Variants in ATP8B1 observed in about 807,000 individuals in gnomAD.
ATP8B1 encodes the protein phospholipid-transporting ATPase IC.
Under a neutral mutation model 149.9 loss-of-function variants are expected in ATP8B1, and 80 were observed. The observed-to-expected ratio is 0.53, with a 90% CI of 0.45 to 0.64. The LOEUF is 0.64. ATP8B1 is among the 30% of genes least tolerant of loss of function. The probability of loss-of-function intolerance (pLI) is 0.00; values close to 1 mark genes in which losing one functional copy is unlikely to be tolerated. For synonymous variants in ATP8B1, 536 were observed against 562.8 expected, an observed-to-expected ratio of 0.95 and a Z score of 0.67; for missense variants, 1,247 against 1,552.6, an observed-to-expected ratio of 0.80 and a Z score of 3.31.
At chr18:57,704,300 A>G (rs1197889547) in intron 4 of ATP8B1, among the ~76,000 whole-genome samples, 1 of 152,150 alleles carries the variant, frequency 6.6e-6, no homozygotes, top group South Asian at 2.1e-4. Flanking sequence ...AGGGATACCA[A>G]TTTTAACACC....
intron 2 of ATP8B1, among the ~76,000 whole-genome samples, chr18:57,722,154 C>T (rs868821763): frequency 2.7e-5 from 4 of 148,846 alleles, no homozygotes; most frequent in Admixed American, 1.3e-4. Flanking sequence ...AGGAAAGATC[C>T]AAAATTGACA....
rs371245536 is a variant in ATP8B1 at position 57,684,148 on chromosome 18, T to G, written c.1518A>C (p.Ala506=). 5.0e-6 allele frequency: 8 copies of G among 1,614,000 alleles called. No homozygotes were observed. Among genetic ancestry groups the G allele is most frequent in the Non-Finnish European group, 6.8e-6 (8 of 1,179,984 alleles). Residue 506 remains alanine, a synonymous_variant, in exon 15 of 28, where the codon GCA becomes GCC. Transcript: ENST00000648908. ...GCTCAATAAGATAGTGGTCATAAAA[T>G]GCAAGCTTCCCATCAGCATATGTAT... The part of the protein sequence containing the change: ...SWNTYADGKL[A]FYDHYLIEQI...
At chr18:57,709,149 CAG>C (rs1488594766) in intron 2 of ATP8B1, among the ~76,000 whole-genome samples, 7 of 152,132 alleles carry the variant, frequency 4.6e-5, no homozygotes, top group Admixed American at 3.3e-4. Context: ...TCAGACAAAT[CAG>C]GGGACAAACA....
rs1913263354 is a variant in ATP8B1 at position 57,704,042 on chromosome 18, C to A, written c.393+513G>T. Among the ~76,000 whole-genome samples the A allele has an allele frequency of 2.0e-5, 3 of 151,212 alleles. 1 individual carries two copies. The highest frequency in any genetic ancestry group is 2.0e-4 in the Admixed American group (3 of 15,180). ...AGTGCAATGGTGTGATCTCGGCTCA[C>A]TGCAACCTCCGCCTCCTGGGTTCAA... On this transcript the variant is annotated intron_variant, in intron 4 of 27. Coordinates refer to ENST00000648908, the MANE Select transcript of ATP8B1 (RefSeq NM_001374385.1).
At chr18:57,717,547 C>CAAAAAAAAAAAAAAAAAAAA (rs1163024544) in intron 2 of ATP8B1, among the ~76,000 whole-genome samples, 1 of 19,928 alleles carries the variant, frequency 5.0e-5, no homozygotes, top group Non-Finnish European at 8.6e-5. Context: ...GACTCTGTCT[C>CAAAAAAAAAAAAAAAAAAAA]AAAAAAAAAA....
In ATP8B1 at chr18:57,661,200, C is replaced by CCACGTTCATCTATATAA; in HGVS notation, c.2680_2681insTTATATAGATGAACGTG (p.Gly894ValfsTer3). The CCACGTTCATCTATATAA allele has an allele frequency of 6.2e-7, 1 of 1,614,012 alleles. No homozygotes were observed. Among genetic ancestry groups the CCACGTTCATCTATATAA allele is most frequent in the Non-Finnish European group, 8.5e-7 (1 of 1,180,018 alleles). ...TTTGATCATGTTCACGTCATTGGCC[C>CCACGTTCATCTATATAA]CATCTCCGATGGCCAGCGTGATGGC... On this transcript the variant is annotated stop_gained and frameshift_variant, in exon 22 of 28. Coordinates refer to ENST00000648908, the MANE Select transcript of ATP8B1 (RefSeq NM_001374385.1). LOFTEE classifies it high-confidence loss of function.
At chr18:57,719,375 G>T (rs2079615035) in intron 2 of ATP8B1, among the ~76,000 whole-genome samples, 1 of 152,226 alleles carries the variant, frequency 6.6e-6, no homozygotes, top group Non-Finnish European at 1.5e-5. Flanking sequence ...GGGAGTGCCA[G>T]ACAGTGGGCG....
chr18:57,786,555 A>C (rs1460478282), intron 1 of ATP8B1, among the ~76,000 whole-genome samples: 1 of 152,208 alleles, frequency 6.6e-6, no homozygotes, highest in Non-Finnish European at 1.5e-5. Context: ...ACCACTGATC[A>C]AGCCACATCT....
intron 25 of ATP8B1, 74 bp downstream of exon 25, chr18:57,652,410 T>C (rs1452322520): frequency 2.0e-5 from 32 of 1,590,170 alleles, no homozygotes; most frequent in Non-Finnish European, 8.6e-7. Context: ...CAGGTGGATG[T>C]GCATGCCACC....
In ATP8B1 at chr18:57,652,483, C is replaced by A. The variant is rs1568178734; in HGVS notation, c.3261+1G>T. The A allele has an allele frequency of 6.2e-7, 1 of 1,614,086 alleles. No homozygotes were observed. Among genetic ancestry groups the A allele is most frequent in the Non-Finnish European group, 8.5e-7 (1 of 1,180,038 alleles). On this transcript the variant is annotated splice_donor_variant, in intron 25 of 27. Transcript: ENST00000648908. LOFTEE classifies it high-confidence loss of function. ...GAATACGGCCAATGAAAGCCACGTA[C>A]CTGGAAATTGACTGTTATTACAAGA...
chr18:57,689,572 G>GC (rs553882483), intron 12 of ATP8B1, among the ~76,000 whole-genome samples: 2 of 152,264 alleles, frequency 1.3e-5, no homozygotes, highest in African/African-American at 4.8e-5. Flanking sequence ...TTTCCTAAGT[G>GC]CCTACTATGT....
chr18:57,674,888 T>C lies in ATP8B1; in HGVS notation c.1765A>G (p.Asn589Asp). ...TTGAAGTCCAAAATGGCAAGAACAT[T>C]GTAAGTCCTTTCAGTGCCCAGTTCA... is the stretch of plus-strand genomic sequence containing the variant. ...ISELGTERTYNVLAILDFNSD... is the reference protein window; with the variant it reads ...ISELGTERTYDVLAILDFNSD... Residue 589 changes from asparagine to aspartate, a missense_variant, in exon 16 of 28, where the codon AAT becomes GAT. Transcript: ENST00000648908. 1 of 1,614,204 alleles carries C rather than the reference T, an allele frequency of 6.2e-7. No individual in the cohort carries two copies. Among genetic ancestry groups the C allele is most frequent in the Non-Finnish European group, 8.5e-7 (1 of 1,180,032 alleles).
intron 15 of ATP8B1, among the ~76,000 whole-genome samples, chr18:57,683,185 T>C (rs534021514): frequency 1.1e-4 from 17 of 152,136 alleles, no homozygotes; most frequent in Non-Finnish European, 2.1e-4. Flanking sequence ...CTGCTACATA[T>C]GAAACATTAA....
At chr18:57,801,532 T>C (rs959388359) in intron 1 of ATP8B1, among the ~76,000 whole-genome samples, 2 of 152,190 alleles carry the variant, frequency 1.3e-5, no homozygotes, top group Non-Finnish European at 2.9e-5. Context: ...ACAAAAGTAT[T>C]CCTTAGCGGA....
chr18:57,648,496 C>T lies in ATP8B1; in HGVS notation c.3748G>A (p.Asp1250Asn), dbSNP rs1411013917. The T allele has an allele frequency of 1.7e-5, 27 of 1,611,120 alleles. No individual in the cohort carries two copies. The highest frequency in any genetic ancestry group is 2.2e-5 in the Non-Finnish European group (26 of 1,179,992). The change falls in exon 28 of 28, where the codon GAC becomes AAC. Residue 1250 changes from aspartate (D) to asparagine (N), a missense_variant. Asp to Asn is a conservative substitution (Grantham distance 23). Around this residue, in one of 3 missense-constraint regions of ATP8B1, gnomAD observed 164 missense variants for 160.3 expected, o/e 1.02. Coordinates refer to ENST00000648908, the MANE Select transcript of ATP8B1 (RefSeq NM_001374385.1). Reference protein sequence around the residue: ...DGTAEYRRTGDS With the variant: ...DGTAEYRRTGNS The stretch of plus-strand genomic sequence containing the variant: ...AGCCTGGGGGTAAGGGATCAGCTGT[C>T]CCCGGTGCGCCTGTACTCCGCGGTG...
chr18:57,796,003 T>C (rs1302991768), intron 1 of ATP8B1, among the ~76,000 whole-genome samples: 1 of 152,000 alleles, frequency 6.6e-6, no homozygotes, highest in Non-Finnish European at 1.5e-5. Flanking sequence ...ACCCTGTCTC[T>C]ACTAAAAATA....
At chr18:57,747,843 G>A (rs901481245) in intron 1 of ATP8B1, among the ~76,000 whole-genome samples, 6 of 152,206 alleles carry the variant, frequency 3.9e-5, no homozygotes, top group Non-Finnish European at 8.8e-5. Context: ...TCAGCTTAGA[G>A]TACTCAACTT....
intron 8 of ATP8B1, 110 bp from the exon 9 acceptor site, chr18:57,695,642 T>A: frequency 1.2e-6 from 1 of 832,576 alleles, no homozygotes; most frequent in Non-Finnish European, 2.0e-6. Context: ...CCTAAATAAT[T>A]AGCTGTTTCT....
intron 2 of ATP8B1, among the ~76,000 whole-genome samples, chr18:57,721,329 A>G (rs1016654049): frequency 1.5e-4 from 22 of 149,592 alleles, no homozygotes; most frequent in Non-Finnish European, 2.7e-4. Context: ...AAGACCCATC[A>G]GTGTGCTGTA....
Sources: allele counts gnomAD v4.1 joint callset (sites outside exome capture counted in the v4.1 genomes callset), GRCh38; gene constraint gnomAD v4.1.1; regional missense constraint gnomAD v4.1.1; transcripts MANE v1.5; gene names NCBI Gene and HGNC (gene_info 2026-07-23, HGNC 2026-07-21).